The following ZNF721 variants were observed in gnomAD, a reference collection of about 807,000 sequenced individuals.
The protein encoded by ZNF721 is zinc finger protein 721.
A neutral mutation model predicts 2.4 loss-of-function variants in ZNF721; 2 were observed. The ratio of observed to expected loss-of-function variants is 0.82; its 90% CI spans 0.34 to 2.58. The LOEUF (loss-of-function observed/expected upper bound fraction) is 2.58, where lower values mean the gene tolerates loss of function less well. ZNF721 is among the 30% of genes most tolerant of loss of function. The probability of loss-of-function intolerance (pLI) is 0.11; values close to 1 mark genes in which losing one functional copy is unlikely to be tolerated. For synonymous variants in ZNF721, 398 were observed against 381.8 expected, an observed-to-expected ratio of 1.04 and a Z score of -0.50; for missense variants, 1,187 against 1,085.5, an observed-to-expected ratio of 1.09 and a Z score of -1.31.
At chr4:457,688 T>C (rs2108700090) in intron 2 of ZNF721, among the ~76,000 whole-genome samples, 1 of 152,188 alleles carries the variant, frequency 6.6e-6, no homozygotes, top group East Asian at 1.9e-4. Flanking sequence ...TGCCCCTGGA[T>C]GTAGACTTGC....
intron 1 of ZNF721, among the ~76,000 whole-genome samples, chr4:498,068 G>C (rs1716339515): frequency 6.6e-6 from 1 of 151,798 alleles, no homozygotes; most frequent in African/African-American, 2.4e-5. Flanking sequence ...AGCCGTGCGT[G>C]GTGGCACGCA....
chr4:490,408 G>A (rs1236078012), intron 1 of ZNF721, among the ~76,000 whole-genome samples: 2 of 152,026 alleles, frequency 1.3e-5, no homozygotes, highest in Non-Finnish European at 2.9e-5. Context: ...GGCAGAGCTT[G>A]CAGTGAGCCA....
At chr4:483,563 GA>G (rs1393977131) in intron 1 of ZNF721, among the ~76,000 whole-genome samples, 5 of 149,488 alleles carry the variant, frequency 3.3e-5, no homozygotes, top group Non-Finnish European at 6.0e-5. Context: ...AAAAAAAAAA[GA>G]AAAAAAAATT....
At chr4:476,820 C>T (rs1473954240) in intron 1 of ZNF721, among the ~76,000 whole-genome samples, 4 of 152,184 alleles carry the variant, frequency 2.6e-5, no homozygotes, top group African/African-American at 7.2e-5. Flanking sequence ...CTGGCTGCAG[C>T]TCACAAAGGA....
chr4:443,501 T>C lies in ZNF721; in HGVS notation c.966A>G (p.Val322=). The C allele has an allele frequency of 6.2e-7, 1 of 1,613,926 alleles. No homozygotes were observed. Among genetic ancestry groups the C allele is most frequent in the Non-Finnish European group, 8.5e-7 (1 of 1,179,858 alleles). ...KAFRQSANLY[V]HRRIHTGEKP... Reference sequence around the variant, plus strand: ...TCTCTCCAGTATGAATTCTCCTATGTACATAAAGGTTTGCGGACTGTCTAA... The same window carrying C: ...TCTCTCCAGTATGAATTCTCCTATGCACATAAAGGTTTGCGGACTGTCTAA... The change falls in exon 3 of 3, where the codon GTA becomes GTG. Residue 322 remains valine (V), a synonymous_variant. Transcript: ENST00000511833.
intron 2 of ZNF721, among the ~76,000 whole-genome samples, chr4:462,678 G>T (rs1209003161): frequency 2.6e-5 from 4 of 152,182 alleles, no homozygotes; most frequent in African/African-American, 4.8e-5. Flanking sequence ...AATAAATGGT[G>T]TTGGGAAAAC....
chr4:498,948 T>A, intron 1 of ZNF721, 108 bp downstream of exon 1: 1 of 219,354 alleles, frequency 4.6e-6, no homozygotes, highest in South Asian at 5.1e-5. Context: ...ATAGTCTCGA[T>A]CTCCTGACCT....
chr4:493,259 G>A (rs1391454579), intron 1 of ZNF721, among the ~76,000 whole-genome samples: 3 of 151,488 alleles, frequency 2.0e-5, no homozygotes, highest in Non-Finnish European at 4.4e-5. Flanking sequence ...GGCATAGGCT[G>A]AACTAACTTT....
chr4:443,041 T>C lies in ZNF721; in HGVS notation c.1426A>G (p.Lys476Glu). The C allele has an allele frequency of 1.2e-6, 2 of 1,613,782 alleles. No homozygotes were observed. The highest frequency in any genetic ancestry group is 1.7e-6 in the Non-Finnish European group (2 of 1,179,750). ...IHTGKKPYKCKQCGKVITSSS... is the reference protein window; with the variant it reads ...IHTGKKPYKCEQCGKVITSSS... ...GAGGTAATGACTTTGCCACATTGCT[T>C]ACATTTGTAGGGTTTCTTTCCAGTA... is the stretch of plus-strand genomic sequence containing the variant. The change falls in exon 3 of 3, where the codon AAG (lysine) becomes GAG (glutamate). Residue 476 changes from lysine (K) to glutamate (E), a missense_variant. Transcript: ENST00000511833.
Position 442,193 on chromosome 4 carries a change from A to C in ZNF721, c.2274T>G (p.Cys758Trp), listed in dbSNP as rs76353486. The change falls in exon 3 of 3, where the codon TGT (cysteine) becomes TGG (tryptophan). Residue 758 changes from cysteine to tryptophan, a missense_variant. Transcript: ENST00000511833. ...TGDKLYKCKE[C>W]GKVFKQSSHL... ...GTGAGGACTGTTTAAACACTTTCCC[A>C]CATTCTTTACATTTGTAGAGTTTAT... 6.2e-7 allele frequency: 1 copy of C among 1,611,980 alleles called. No individual in the cohort carries two copies.
chr4:454,279 T>G (rs187813002), intron 2 of ZNF721, among the ~76,000 whole-genome samples: 15 of 152,324 alleles, frequency 9.8e-5, no homozygotes, highest in Admixed American at 2.0e-4. Context: ...GACTCCCTGG[T>G]GGTGATAGCC....
At chr4:496,067 T>C (rs568637202) in intron 1 of ZNF721, among the ~76,000 whole-genome samples, 7 of 152,344 alleles carry the variant, frequency 4.6e-5, no homozygotes, top group South Asian at 2.1e-4. Flanking sequence ...AAAATCCCTT[T>C]AGCAGTGAAA....
intron 1 of ZNF721, among the ~76,000 whole-genome samples, chr4:498,743 T>C (rs79138874): frequency 6.8e-4 from 103 of 151,064 alleles, no homozygotes; most frequent in African/African-American, 2.0e-3. Flanking sequence ...TTTTTTTTTT[T>C]GAGACGCAGT....
chr4:484,407 A>G (rs1162241696), intron 1 of ZNF721, among the ~76,000 whole-genome samples: 1 of 152,254 alleles, frequency 6.6e-6, no homozygotes, highest in African/African-American at 2.4e-5. Context: ...TGTTCAGGGA[A>G]TAAGAGAGAT....
At chr4:474,338 C>T (rs1395298180) in intron 1 of ZNF721, among the ~76,000 whole-genome samples, 2 of 152,100 alleles carry the variant, frequency 1.3e-5, no homozygotes, top group East Asian at 3.9e-4. Context: ...CAGGCACTTT[C>T]AGGCGGCGCT....
intron 1 of ZNF721, among the ~76,000 whole-genome samples, chr4:478,682 A>G (rs1383710730): frequency 6.6e-6 from 1 of 152,182 alleles, no homozygotes; most frequent in African/African-American, 2.4e-5. Context: ...GTTTATGAAC[A>G]TGGGTGTGCA....
At chr4:459,952 T>C (rs554231532) in intron 2 of ZNF721, among the ~76,000 whole-genome samples, 3 of 151,996 alleles carry the variant, frequency 2.0e-5, no homozygotes, top group Non-Finnish European at 4.4e-5. Context: ...ATAAAGCAAG[T>C]TTTTAGAGAC....
In ZNF721 at chr4:442,100, G is replaced by T; in HGVS notation, c.2367C>A (p.Val789=). The T allele has an allele frequency of 6.2e-7, 1 of 1,613,892 alleles. No homozygotes were observed. The highest frequency in any genetic ancestry group is 1.7e-5 in the Admixed American group (1 of 60,008). ...KPYKCKECGK[V]ITSSSSFAKH... ...TAGCAAAGCTTGAGGATGACGTAATGACTTTGCCACATTCCTTACATTTGT... is the reference window on the plus strand; with the variant it reads ...TAGCAAAGCTTGAGGATGACGTAATTACTTTGCCACATTCCTTACATTTGT... The change falls in exon 3 of 3, where the codon GTC becomes GTA. Residue 789 remains valine (V), a synonymous_variant. Transcript: ENST00000511833.
At chr4:495,386 A>G (rs1716124551) in intron 1 of ZNF721, among the ~76,000 whole-genome samples, 1 of 151,204 alleles carries the variant, frequency 6.6e-6, no homozygotes, top group African/African-American at 2.4e-5. Context: ...AACCAAAAAC[A>G]TGAAACCTTC....
Sources: allele counts gnomAD v4.1 joint callset (sites outside exome capture counted in the v4.1 genomes callset), GRCh38; gene constraint gnomAD v4.1.1; transcripts MANE v1.5; gene names NCBI Gene and HGNC (gene_info 2026-07-23, HGNC 2026-07-21).